The following ATP11A variants were observed in gnomAD, a reference collection of about 807,000 sequenced individuals.
ATP11A encodes the protein phospholipid-transporting ATPase IH.
ATP11A carries 81 observed loss-of-function variants against 154.4 expected under a neutral mutation model. The observed-to-expected ratio is 0.52, with a 90% CI of 0.44 to 0.63. ATP11A has a LOEUF of 0.63. ATP11A is among the 30% of genes least tolerant of loss of function. The pLI is 0.00. For missense variants in ATP11A, 1,316 were observed against 1,474.3 expected (o/e 0.89, Z 1.76); for synonymous variants, 623 against 585.9 (o/e 1.06, Z -0.91).
At position 112,873,554 on chromosome 13, in the gene ATP11A, C is replaced by CTTTTTTTTTT; in HGVS notation, c.3058-18_3058-9dup. 7.3e-7 allele frequency: 1 copy of CTTTTTTTTTT among 1,370,380 alleles called. No individual in the cohort carries two copies. Among genetic ancestry groups the CTTTTTTTTTT allele is most frequent in the Admixed American group, 2.1e-5 (1 of 48,150 alleles). 84.9% of individuals were successfully genotyped at this position (1,370,380 alleles called of 1,614,324 possible). ...TGCTCAGATGACACCGTTAACTGCC[C>CTTTTTTTTTT]TTTTTTTTTTCCTTTTAGCTTGCAT... On this transcript the variant is annotated intron_variant, in intron 26 of 29. Coordinates refer to ENST00000375645, the MANE Select transcript of ATP11A (RefSeq NM_015205.3).
chr13:112,777,822 C>T (rs2077384905), intron 1 of ATP11A, among the ~76,000 whole-genome samples: 1 of 152,006 alleles, frequency 6.6e-6, no homozygotes, highest in East Asian at 1.9e-4. Flanking sequence ...CCGTGGGCTC[C>T]ATGCAGCCAG....
intron 1 of ATP11A, among the ~76,000 whole-genome samples, chr13:112,722,649 A>G (rs1889331296): frequency 6.6e-6 from 1 of 152,238 alleles, no homozygotes; most frequent in Non-Finnish European, 1.5e-5. Flanking sequence ...GGAGGGCTCC[A>G]TTCAGATGGG....
chr13:112,693,309 G>GGTGA (rs892389006), intron 1 of ATP11A, among the ~76,000 whole-genome samples: 2 of 152,092 alleles, frequency 1.3e-5, no homozygotes, highest in Non-Finnish European at 2.9e-5. Context: ...TGCTCCCTGG[G>GGTGA]GTGATGTATG....
chr13:112,702,039 A>T (rs929616028), intron 1 of ATP11A, among the ~76,000 whole-genome samples: 2 of 151,524 alleles, frequency 1.3e-5, no homozygotes, highest in Admixed American at 6.6e-5. Context: ...CTTGTCACAG[A>T]GTGTGCAAAA....
chr13:112,723,652 G>T (rs1407503781), intron 1 of ATP11A, among the ~76,000 whole-genome samples: 1 of 151,970 alleles, frequency 6.6e-6, no homozygotes, highest in Non-Finnish European at 1.5e-5. Flanking sequence ...AAGGGAGGGG[G>T]TAGAAGGAGG....
intron 25 of ATP11A, among the ~76,000 whole-genome samples, chr13:112,866,236 C>T (rs747686494): frequency 1.3e-5 from 2 of 152,102 alleles, no homozygotes; most frequent in Admixed American, 6.6e-5. Flanking sequence ...AAATATTTCT[C>T]GAAAATATTT....
chr13:112,872,975 T>G (rs1594244175), intron 26 of ATP11A, among the ~76,000 whole-genome samples: 1 of 114,144 alleles, frequency 8.8e-6, no homozygotes, highest in African/African-American at 3.7e-5. Flanking sequence ...TTTGTCTTCC[T>G]GAGCGGTGTG....
At chr13:112,839,873 G>C (rs980779432) in intron 16 of ATP11A, among the ~76,000 whole-genome samples, 7 of 152,160 alleles carry the variant, frequency 4.6e-5, no homozygotes, top group African/African-American at 1.7e-4. Flanking sequence ...GTTCAAGAAT[G>C]CATCATTATG....
chr13:112,828,109 GAGTGGGGGGA>G (rs2078980462), intron 12 of ATP11A, among the ~76,000 whole-genome samples: 1 of 148,376 alleles, frequency 6.7e-6, no homozygotes, highest in Admixed American at 6.8e-5. Flanking sequence ...CAGCAGCGTT[GAGTGGGGGGA>G]AGCGCCCAGC....
chr13:112,860,934 T>C (rs2080083561), intron 24 of ATP11A: 1 of 152,980 alleles, frequency 6.5e-6, no homozygotes, highest in Admixed American at 6.5e-5. Flanking sequence ...GTCTTTTAAA[T>C]TGTATTAGTC....
intron 19 of ATP11A, among the ~76,000 whole-genome samples, chr13:112,855,306 A>G (rs981118984): frequency 6.6e-6 from 1 of 152,140 alleles, no homozygotes; most frequent in Non-Finnish European, 1.5e-5. Flanking sequence ...GGTTCAAACA[A>G]TTCTCCTGCC....
chr13:112,785,396 CG>C lies in ATP11A; in HGVS notation c.162+141del. Reference sequence around the variant, plus strand: ...CACCAGCCACCCCCAGCAAGGGCTTCGGATCAGGACCTCACCGAGGGCGCTA... The same window carrying C: ...CACCAGCCACCCCCAGCAAGGGCTTCGATCAGGACCTCACCGAGGGCGCTA... On this transcript the variant is annotated intron_variant, in intron 2 of 29. Coordinates refer to ENST00000375645, the MANE Select transcript of ATP11A (RefSeq NM_015205.3). This position sits in a 1 kb window ranked among gnomAD's most constrained non-coding sequence, Gnocchi z 4.8. The C allele has an allele frequency of 9.7e-7, 1 of 1,032,278 alleles. No individual in the cohort carries two copies. The highest frequency in any genetic ancestry group is 1.3e-6 in the Non-Finnish European group (1 of 779,516). 63.9% of individuals were successfully genotyped at this position (1,032,278 alleles called of 1,614,324 possible). A position where few individuals can be genotyped will look rare whatever the true frequency, so the allele number is the denominator to read the frequency against.
chr13:112,876,966 G>T (rs934190395), intron 28 of ATP11A, among the ~76,000 whole-genome samples: 1 of 152,210 alleles, frequency 6.6e-6, no homozygotes, highest in Non-Finnish European at 1.5e-5. Context: ...TTGGGACATT[G>T]GTGCCGATTT....
chr13:112,760,908 T>C (rs1566440345), intron 1 of ATP11A, among the ~76,000 whole-genome samples: 1 of 152,212 alleles, frequency 6.6e-6, no homozygotes, highest in Non-Finnish European at 1.5e-5. Flanking sequence ...TGATGACCCC[T>C]TAGCCACAGT....
intron 12 of ATP11A, among the ~76,000 whole-genome samples, chr13:112,828,381 G>A (rs2078998968): frequency 7.2e-6 from 1 of 138,770 alleles, no homozygotes. Context: ...GAGGGAAAGT[G>A]CCCAGTGGTG....
chr13:112,865,831 G>A (rs1439623320), intron 25 of ATP11A, among the ~76,000 whole-genome samples: 12 of 152,252 alleles, frequency 7.9e-5, no homozygotes, highest in African/African-American at 1.2e-4. Context: ...GATTACAGGC[G>A]TGAGCCACCA....
chr13:112,714,838 T>C (rs576079958), intron 1 of ATP11A, among the ~76,000 whole-genome samples: 1 of 152,336 alleles, frequency 6.6e-6, no homozygotes, highest in African/African-American at 2.4e-5. Context: ...CACAGTTCAG[T>C]GCTTTAGCAC....
In ATP11A at chr13:112,715,506, G is replaced by GCCA. The variant is rs1888347604; in HGVS notation, c.39+25052_39+25053insCAC. Among the ~76,000 whole-genome samples the GCCA allele has an allele frequency of 3.3e-4, 5 of 15,098 alleles. 1 individual carries two copies. Among genetic ancestry groups the GCCA allele is most frequent in the Non-Finnish European group, 8.9e-4 (4 of 4,500 alleles). The allele number at this position is 15,098 out of a possible 152,430, so 9.9% of individuals were successfully genotyped here. A position where few individuals can be genotyped will look rare whatever the true frequency, so the allele number is the denominator to read the frequency against. ...CATCCCCGTACCTGGCCCATCCCCT[G>GCCA]CACCTGGCCGATCCCCACCCTTCAC... On this transcript the variant is annotated intron_variant, in intron 1 of 29. Coordinates refer to ENST00000375645, the MANE Select transcript of ATP11A (RefSeq NM_015205.3).
chr13:112,755,704 A>G (rs553864706), intron 1 of ATP11A, among the ~76,000 whole-genome samples: 127 of 134,336 alleles, frequency 9.5e-4, no homozygotes, highest in African/African-American at 3.2e-3. Context: ...TCACGGAACC[A>G]TCACTCAGAG....
Sources: gnomAD v4.1 joint callset for allele counts (sites outside exome capture counted in the v4.1 genomes callset) on GRCh38, gnomAD v4.1.1 for gene constraint, Gnocchi (gnomAD v3.1) non-coding constraint, MANE v1.5 for transcripts, NCBI Gene and HGNC (gene_info 2026-07-23, HGNC 2026-07-21) for gene names.